Variants in MAK observed in about 807,000 individuals in gnomAD.
MAK encodes the protein serine/threonine-protein kinase MAK.
A neutral mutation model predicts 82.6 loss-of-function variants in MAK; 65 were observed. The ratio of observed to expected loss-of-function variants is 0.79; its 90% CI spans 0.64 to 0.97. MAK has a LOEUF of 0.97. Among genes scored for constraint, MAK ranks in the 50% least tolerant of loss-of-function variants. The pLI is 0.00. For synonymous variants in MAK, 250 were observed against 274.2 expected, an observed-to-expected ratio of 0.91 and a Z score of 0.87; for missense variants, 703 against 780.2, an observed-to-expected ratio of 0.90 and a Z score of 1.18.
rs1229291295 is a variant in MAK, at chr6:10,819,241, C to T, written c.102-301G>A. Among the ~76,000 whole-genome samples, 5 of 152,314 alleles carry T rather than the reference C, an allele frequency of 3.3e-5. No individual in the cohort carries two copies. In the South Asian group the frequency reaches 6.2e-4, roughly 19 times the overall value. On this transcript the variant is annotated intron_variant, in intron 2 of 14. Transcript: ENST00000354489. Reference sequence around the variant, plus strand: ...TTCTTAAAGGGTCCTTTTCAAGATTCTCTCTTTTTAGAACTTAAGAGGCCC... The same window carrying T: ...TTCTTAAAGGGTCCTTTTCAAGATTTTCTCTTTTTAGAACTTAAGAGGCCC...
chr6:10,791,578 C>CT, intron 10 of MAK, 97 bp downstream of exon 10: 1 of 1,213,596 alleles, frequency 8.2e-7, no homozygotes. Context: ...GTTAAGCAAA[C>CT]TTTTCTTCTT....
rs77555784 is a variant in MAK at position 10,774,949 on chromosome 6, T to A, written c.1597+379A>T. Among the ~76,000 whole-genome samples, 436 of 152,368 alleles carry A rather than the reference T, an allele frequency of 2.9e-3. 2 individuals carry two copies. Among genetic ancestry groups the A allele is most frequent in the African/African-American group, 9.8e-3 (408 of 41,590 alleles). On this transcript the variant is annotated intron_variant, in intron 12 of 14. Coordinates refer to ENST00000354489, the MANE Select transcript of MAK (RefSeq NM_001242957.3). ...TCGAGAATTCCCTTAAAACTAGCTG[T>A]ACTCAAGAATTAGTGGGAAAACCTT...
intron 2 of MAK, chr6:10,826,725 G>A (rs758471982): frequency 1.3e-5 from 2 of 152,226 alleles, no homozygotes; most frequent in South Asian, 2.1e-4. Flanking sequence ...CCTCCCTGCA[G>A]CTAGGGGTGC....
At chr6:10,770,832 TA>T (rs1287257726) in intron 13 of MAK, among the ~76,000 whole-genome samples, 1 of 152,064 alleles carries the variant, frequency 6.6e-6, no homozygotes, top group African/African-American at 2.4e-5. Flanking sequence ...AGGAAAAATC[TA>T]AAGTCTGGAG....
chr6:10,799,333 T>C (rs1454276964), intron 8 of MAK, among the ~76,000 whole-genome samples: 1 of 152,230 alleles, frequency 6.6e-6, no homozygotes, highest in Non-Finnish European at 1.5e-5. Flanking sequence ...ATTTAAAAAA[T>C]ATTTTTTGTA....
chr6:10,770,009 G>A, intron 14 of MAK, 102 bp downstream of exon 14: 19 of 1,604,010 alleles, frequency 1.2e-5, no homozygotes, highest in Non-Finnish European at 1.6e-5. Context: ...AGGTGAGGCT[G>A]ACTAAAAGTC....
intron 12 of MAK, among the ~76,000 whole-genome samples, chr6:10,774,809 T>C (rs1773328688): frequency 6.6e-6 from 1 of 152,118 alleles, no homozygotes; most frequent in Admixed American, 6.6e-5. Flanking sequence ...ACCCCAGATA[T>C]TTTTACATTT....
chr6:10,779,124 T>A, intron 11 of MAK, among the ~76,000 whole-genome samples: 2 of 89,894 alleles, frequency 2.2e-5, no homozygotes, highest in African/African-American at 1.2e-4. Context: ...CAACACTTCG[T>A]CTCAAAAAAA....
intron 9 of MAK, among the ~76,000 whole-genome samples, chr6:10,794,026 T>C (rs1304025165): frequency 6.6e-6 from 1 of 152,174 alleles, no homozygotes; most frequent in Non-Finnish European, 1.5e-5. Context: ...CATTGGTGAA[T>C]GGTGTTATAT....
intron 4 of MAK, among the ~76,000 whole-genome samples, chr6:10,816,755 C>T (rs915460442): frequency 1.3e-5 from 2 of 152,048 alleles, no homozygotes; most frequent in African/African-American, 4.8e-5. Flanking sequence ...CCTATTTTCA[C>T]ACTAATTATT....
rs773982305 is a variant in MAK at position 10,764,441 on chromosome 6, A to C, written c.*11T>G. On this transcript the variant is annotated 3_prime_UTR_variant, in exon 15 of 15. Transcript: ENST00000354489. The stretch of plus-strand genomic sequence containing the variant: ...ACGGAGCAATGCTGTAGGGTTTCAC[A>C]CCATAGACTCCTACCGGTGGCCTCC... 1 of 1,613,588 alleles carries C rather than the reference A, an allele frequency of 6.2e-7. No individual in the cohort carries two copies. Among genetic ancestry groups the C allele is most frequent in the South Asian group, 1.1e-5 (1 of 91,072 alleles).
At chr6:10,765,440 A>ATTTTTTTTTTTTTTTTTTTTTTTTTTTTT (rs200536068) in intron 14 of MAK, among the ~76,000 whole-genome samples, 1 of 130,620 alleles carries the variant, frequency 7.7e-6, no homozygotes. Context: ...TAGAATGAAG[A>ATTTTTTTTTTTTTTTTTTTTTTTTTTTTT]TTTTTTTTTT....
In MAK at chr6:10,764,363, A is replaced by G. The variant is rs1656966046; in HGVS notation, c.*89T>C. 1 of 1,406,380 alleles carries G rather than the reference A, an allele frequency of 7.1e-7. No individual in the cohort carries two copies. The highest frequency in any genetic ancestry group is 9.9e-7 in the Non-Finnish European group (1 of 1,011,992). 87.1% of individuals were successfully genotyped at this position (1,406,380 alleles called of 1,614,324 possible). ...TTGCATATTTCTTCCAGAACTCAGT[A>G]GAAATAGACATTTGTAGACATTTCC... On this transcript the variant is annotated 3_prime_UTR_variant, in exon 15 of 15. Transcript: ENST00000354489.
At chr6:10,827,631 G>C (rs1478892433) in intron 2 of MAK, 3 of 152,088 alleles carry the variant, frequency 2.0e-5, no homozygotes, top group Non-Finnish European at 4.4e-5. Flanking sequence ...ATGTAGGTTA[G>C]GGAAGTTTCT....
At position 10,830,688 on chromosome 6, in the gene MAK, A is replaced by C; in HGVS notation, c.-40T>G. The C allele has an allele frequency of 6.9e-7, 1 of 1,459,388 alleles. No homozygotes were observed. The highest frequency in any genetic ancestry group is 9.6e-7 in the Non-Finnish European group (1 of 1,039,014). The allele number at this position is 1,459,388 out of a possible 1,614,324, so 90.4% of individuals were successfully genotyped here. On this transcript the variant is annotated 5_prime_UTR_variant, in exon 2 of 15. Coordinates refer to ENST00000354489, the MANE Select transcript of MAK (RefSeq NM_001242957.3). ...GCAGCAGAAGTTGTTGATTGAAATG[A>C]CTTCCTTGTTGAATATAAATTTGAA...
chr6:10,768,598 A>C (rs1475364740), intron 14 of MAK, among the ~76,000 whole-genome samples: 2 of 152,166 alleles, frequency 1.3e-5, no homozygotes, highest in Non-Finnish European at 2.9e-5. Flanking sequence ...ATAAAATTTT[A>C]TATTTCATAT....
chr6:10,810,198 C>T (rs1328013058), intron 5 of MAK, among the ~76,000 whole-genome samples: 2 of 151,232 alleles, frequency 1.3e-5, no homozygotes, highest in Non-Finnish European at 2.9e-5. Flanking sequence ...TTAAGGGAGG[C>T]TTTTTCTAAG....
intron 2 of MAK, among the ~76,000 whole-genome samples, chr6:10,826,988 G>A (rs889987419): frequency 6.6e-6 from 1 of 152,128 alleles, no homozygotes; most frequent in Non-Finnish European, 1.5e-5. Flanking sequence ...GTACATGCCT[G>A]TAATCCCAGC....
intron 10 of MAK, among the ~76,000 whole-genome samples, chr6:10,786,131 G>A (rs554909700): frequency 6.6e-6 from 1 of 152,250 alleles, no homozygotes; most frequent in South Asian, 2.1e-4. Flanking sequence ...TGTAATCCCA[G>A]CTACTTGGGA....
Sources: allele counts gnomAD v4.1 joint callset (sites outside exome capture counted in the v4.1 genomes callset), GRCh38; gene constraint gnomAD v4.1.1; transcripts MANE v1.5; gene names NCBI Gene and HGNC (gene_info 2026-07-23, HGNC 2026-07-21).